Variants in HNRNPLL observed in about 807,000 individuals in gnomAD.
The protein encoded by HNRNPLL is heterogeneous nuclear ribonucleoprotein L-like.
Under a neutral mutation model 67.1 loss-of-function variants are expected in HNRNPLL, and 25 were observed. The observed-to-expected ratio is 0.37, with a 90% CI of 0.27 to 0.52. The LOEUF is 0.52. HNRNPLL is among the 20% of genes least tolerant of loss of function. The pLI, the probability that HNRNPLL is intolerant of heterozygous loss-of-function variation, is 0.90. For synonymous variants in HNRNPLL, 267 were observed against 241.7 expected (o/e 1.10, Z -0.97); for missense variants, 542 against 673.9 (o/e 0.80, Z 2.17).
chr2:38,576,444 T>G (rs1666303749), intron 7 of HNRNPLL, among the ~76,000 whole-genome samples: 1 of 151,830 alleles, frequency 6.6e-6, no homozygotes, highest in African/African-American at 2.4e-5. Context: ...CTAAACCAGC[T>G]GTAATGAGAT....
At position 38,582,186 on chromosome 2, in the gene HNRNPLL, A is replaced by T. The variant is rs939484377; in HGVS notation, c.633-18T>A. Reference sequence around the variant, plus strand: ...ATTCAAACATAAGCTCTATTAAGGAAATTCGGTTTAAGGTATCTGATACTT... The same window carrying T: ...ATTCAAACATAAGCTCTATTAAGGATATTCGGTTTAAGGTATCTGATACTT... On this transcript the variant is annotated intron_variant, in intron 4 of 12. Transcript: ENST00000449105. The T allele has an allele frequency of 8.2e-6, 13 of 1,579,744 alleles. No individual in the cohort carries two copies. Among genetic ancestry groups the T allele is most frequent in the South Asian group, 1.1e-5 (1 of 90,402 alleles).
At chr2:38,590,238 T>C (rs1362131816) in intron 2 of HNRNPLL, among the ~76,000 whole-genome samples, 1 of 152,216 alleles carries the variant, frequency 6.6e-6, no homozygotes, top group African/African-American at 2.4e-5. Context: ...CACCTAATAC[T>C]ACTATTCCTT....
At chr2:38,602,101 G>A (rs1334230842) in intron 1 of HNRNPLL, 5 of 317,726 alleles carry the variant, frequency 1.6e-5, no homozygotes, top group Non-Finnish European at 2.9e-5. Flanking sequence ...CGAGCCCGAG[G>A]AGTTAAACTA....
At position 38,584,245 on chromosome 2, in the gene HNRNPLL, A is replaced by G. The variant is rs112765948; in HGVS notation, c.547-319T>C. Among the ~76,000 whole-genome samples, 869 of 152,234 alleles carry G rather than the reference A, an allele frequency of 5.7e-3. 10 individuals are homozygous for G. Among genetic ancestry groups the G allele is most frequent in the African/African-American group, 0.02 (818 of 41,524 alleles). On this transcript the variant is annotated intron_variant, in intron 3 of 12. Transcript: ENST00000449105. ...CAAGGTTAATTTTTTCGTTTTTTGTAGAGACAGAGTCTCACTATGTTGTCC... is the reference window on the plus strand; with the variant it reads ...CAAGGTTAATTTTTTCGTTTTTTGTGGAGACAGAGTCTCACTATGTTGTCC...
chr2:38,601,199 G>GT (rs1303097961), intron 1 of HNRNPLL, among the ~76,000 whole-genome samples: 1 of 152,134 alleles, frequency 6.6e-6, no homozygotes, highest in African/African-American at 2.4e-5. Flanking sequence ...AGCTAACACC[G>GT]TAACAAGACT....
intron 2 of HNRNPLL, among the ~76,000 whole-genome samples, chr2:38,586,096 A>G (rs1666721351): frequency 6.6e-6 from 1 of 151,020 alleles, no homozygotes; most frequent in Non-Finnish European, 1.5e-5. Context: ...ATCTAGGCTC[A>G]CTGCAAGCTC....
chr2:38,565,200 T>C (rs1665809068), intron 12 of HNRNPLL, among the ~76,000 whole-genome samples: 1 of 152,012 alleles, frequency 6.6e-6, no homozygotes, highest in African/African-American at 2.4e-5. Flanking sequence ...AGAAAAAAAA[T>C]TCCTGTAAGG....
intron 1 of HNRNPLL, among the ~76,000 whole-genome samples, chr2:38,596,083 C>T (rs749806386): frequency 6.6e-6 from 1 of 151,730 alleles, no homozygotes; most frequent in Non-Finnish European, 1.5e-5. Context: ...AAAAAAAAAC[C>T]TATGGCTGTT....
intron 1 of HNRNPLL, among the ~76,000 whole-genome samples, chr2:38,597,967 G>T (rs978189372): frequency 3.9e-5 from 6 of 151,900 alleles, no homozygotes; most frequent in African/African-American, 1.2e-4. Context: ...GATTACAGGC[G>T]TGAGCCACCG....
chr2:38,564,978 A>G (rs957437818), intron 12 of HNRNPLL, among the ~76,000 whole-genome samples: 2 of 151,542 alleles, frequency 1.3e-5, no homozygotes, highest in African/African-American at 4.9e-5. Context: ...AATGGGGTAC[A>G]TAAGTTTTGA....
Position 38,569,276 on chromosome 2 carries a change from T to C in HNRNPLL, c.1273A>G (p.Ser425Gly). 6.2e-7 allele frequency: 1 copy of C among 1,613,206 alleles called. No homozygotes were observed. The highest frequency in any genetic ancestry group is 8.5e-7 in the Non-Finnish European group (1 of 1,179,376). The stretch of plus-strand genomic sequence containing the variant: ...CTCATTGCAAAATCTTTGTAGCTGC[T>C]GGTACCATCCTCCAGCTCAAATATT... ...SQIFELEDGT[S>G]SYKDFAMSKN... Residue 425 changes from serine (S) to glycine (G), a missense_variant, in exon 10 of 13, where the codon AGC (serine) becomes GGC (glycine). Ser to Gly is a moderately conservative substitution (Grantham distance 56, BLOSUM62 0). This residue lies in a region of HNRNPLL where 415 missense variants were observed against 575.2 expected (regional missense o/e 0.72). Coordinates refer to ENST00000449105, the MANE Select transcript of HNRNPLL (RefSeq NM_138394.4).
chr2:38,602,770 GC>G lies in HNRNPLL; in HGVS notation c.-145del. On this transcript the variant is annotated 5_prime_UTR_variant, in exon 1 of 13. Coordinates refer to ENST00000449105, the MANE Select transcript of HNRNPLL (RefSeq NM_138394.4). Reference sequence around the variant, plus strand: ...CCCGGCCGTCCGCGGGGACTGCGCGGCCAGGAGACTGGCGGCTGAGAAGCGC... The same window carrying G: ...CCCGGCCGTCCGCGGGGACTGCGCGGCAGGAGACTGGCGGCTGAGAAGCGC... 4 of 1,526,036 alleles carry G rather than the reference GC, an allele frequency of 2.6e-6. No homozygotes were observed. The highest frequency in any genetic ancestry group is 3.5e-6 in the Non-Finnish European group (4 of 1,136,230). The allele number at this position is 1,526,036 out of a possible 1,614,324, so 94.5% of individuals were successfully genotyped here. A position where few individuals can be genotyped will look rare whatever the true frequency, so the allele number is the denominator to read the frequency against.
At chr2:38,602,341 G>T (rs959456967) in intron 1 of HNRNPLL, 97 bp downstream of exon 1, 5 of 1,225,704 alleles carry the variant, frequency 4.1e-6, no homozygotes, top group Non-Finnish European at 5.7e-6. Context: ...CGGCGCAGCG[G>T]AAAAGGCTAA....
At position 38,568,295 on chromosome 2, in the gene HNRNPLL, A is replaced by G; in HGVS notation, c.1477T>C (p.Ser493Pro). The G allele has an allele frequency of 6.2e-7, 1 of 1,612,328 alleles. No homozygotes were observed. The highest frequency in any genetic ancestry group is 1.1e-5 in the South Asian group (1 of 90,970). The change falls in exon 12 of 13, where the codon TCA becomes CCA. Residue 493 changes from serine (S) to proline (P), a missense_variant and splice_region_variant. Ser to Pro is a moderately conservative substitution (Grantham distance 74, BLOSUM62 -1). This residue lies in a region of HNRNPLL where 415 missense variants were observed against 575.2 expected (regional missense o/e 0.72). Transcript: ENST00000449105. ...AATAGCCCAGAAAGTGTTTTGGCTGAAGCTAAAACAAAAAAACACAAACTC... is the reference window on the plus strand; with the variant it reads ...AATAGCCCAGAAAGTGTTTTGGCTGGAGCTAAAACAAAAAAACACAAACTC... ...IKYKVFDAKP[S>P]AKTLSGLLEW...
At chr2:38,597,719 C>T (rs1403808013) in intron 1 of HNRNPLL, among the ~76,000 whole-genome samples, 9 of 149,312 alleles carry the variant, frequency 6.0e-5, no homozygotes, top group African/African-American at 1.2e-4. Flanking sequence ...GACGGAGTCT[C>T]GCTCTGTCGC....
intron 7 of HNRNPLL, among the ~76,000 whole-genome samples, chr2:38,573,809 T>C (rs1280262692): frequency 6.6e-6 from 1 of 151,846 alleles, no homozygotes; most frequent in Non-Finnish European, 1.5e-5. Flanking sequence ...GGAGGAGTAA[T>C]AATATTACAT....
rs1390859699 is a variant in HNRNPLL, at chr2:38,563,918, G to GT, written c.*263dup. 2.4e-5 allele frequency: 7 copies of GT among 295,292 alleles called. No homozygotes were observed. The highest frequency in any genetic ancestry group is 1.5e-4 in the African/African-American group (7 of 45,864). 18.3% of individuals were successfully genotyped at this position (295,292 alleles called of 1,614,324 possible). A position where few individuals can be genotyped will look rare whatever the true frequency, so the allele number is the denominator to read the frequency against. On this transcript the variant is annotated 3_prime_UTR_variant, in exon 13 of 13. Transcript: ENST00000449105. ...TTTTTACTGTGGAAGAAAAATTCCA[G>GT]TAATAAGGTTAGAAATCATATATCT...
intron 6 of HNRNPLL, chr2:38,577,842 T>C: frequency 2.2e-6 from 1 of 456,686 alleles, no homozygotes; most frequent in Admixed American, 2.8e-5. Context: ...ATGCTAGAAG[T>C]TTGACACTGT....
chr2:38,600,290 GC>G (rs745440101), intron 1 of HNRNPLL, among the ~76,000 whole-genome samples: 1 of 141,198 alleles, frequency 7.1e-6, no homozygotes, highest in Non-Finnish European at 1.6e-5. Context: ...ATCAGTTCCC[GC>G]CGGGGTAACT....
Sources: gnomAD v4.1 joint callset for allele counts (sites outside exome capture counted in the v4.1 genomes callset) on GRCh38, gnomAD v4.1.1 for gene constraint, gnomAD v4.1.1 regional missense constraint, MANE v1.5 for transcripts, NCBI Gene and HGNC (gene_info 2026-07-23, HGNC 2026-07-21) for gene names.